The following TYW1B variants were observed in gnomAD, a reference collection of about 807,000 sequenced individuals.
The protein encoded by TYW1B is tRNA-yW synthesizing protein 1 homolog B.
TYW1B carries 73 observed loss-of-function variants against 86.9 expected under a neutral mutation model. The observed-to-expected ratio is 0.84, with a 90% CI of 0.70 to 1.02. The LOEUF (loss-of-function observed/expected upper bound fraction) is 1.02. Among genes scored for constraint, TYW1B ranks in the 50% least tolerant of loss-of-function variants. The pLI, the probability that TYW1B is intolerant of heterozygous loss-of-function variation, is 0.00. For synonymous variants in TYW1B, 248 were observed against 292.8 expected, an observed-to-expected ratio of 0.85 and a Z score of 1.56; for missense variants, 637 against 827.4, an observed-to-expected ratio of 0.77 and a Z score of 2.82.
chr7:72,663,540 C>T (rs1487528553), intron 11 of TYW1B, among the ~76,000 whole-genome samples: 12 of 151,778 alleles, frequency 7.9e-5, no homozygotes, highest in East Asian at 7.8e-4. Context: ...GGGCAGATCA[C>T]GAGGTCAGGA....
At chr7:72,693,297 A>G (rs1446012872) in intron 11 of TYW1B, among the ~76,000 whole-genome samples, 1 of 152,222 alleles carries the variant, frequency 6.6e-6, no homozygotes, top group African/African-American at 2.4e-5. Flanking sequence ...AAATGTTTGC[A>G]GAAAATGACA....
intron 5 of TYW1B, among the ~76,000 whole-genome samples, chr7:72,805,954 C>A (rs782006588): frequency 6.6e-6 from 1 of 151,876 alleles, no homozygotes; most frequent in Non-Finnish European, 1.5e-5. Context: ...AAGACAGGAG[C>A]TTCAAAGGAA....
At chr7:72,636,232 A>C (rs1277639928) in intron 11 of TYW1B, among the ~76,000 whole-genome samples, 1 of 152,128 alleles carries the variant, frequency 6.6e-6, no homozygotes, top group Non-Finnish European at 1.5e-5. Context: ...TCTTTTAACT[A>C]ATATTTAACT....
chr7:72,810,688 C>T, intron 3 of TYW1B, 23 bp from the exon 4 acceptor site: 2 of 1,583,064 alleles, frequency 1.3e-6, no homozygotes, highest in Non-Finnish European at 1.7e-6. Context: ...GTAATTGTTT[C>T]AGTGGAACAT....
At chr7:72,738,106 A>C (rs1585943112) in intron 8 of TYW1B, among the ~76,000 whole-genome samples, 1 of 79,502 alleles carries the variant, frequency 1.3e-5, no homozygotes, top group African/African-American at 5.1e-5. Context: ...TTTTTTGAGG[A>C]GTCTCGCACA....
intron 5 of TYW1B, among the ~76,000 whole-genome samples, chr7:72,804,882 T>C (rs1312455887): frequency 1.3e-5 from 2 of 152,164 alleles, no homozygotes; most frequent in African/African-American, 4.8e-5. Flanking sequence ...TGTTTGCTGA[T>C]CCCTGTCCTA....
chr7:72,772,013 A>AT (rs1331123489), intron 7 of TYW1B, among the ~76,000 whole-genome samples: 1 of 151,568 alleles, frequency 6.6e-6, no homozygotes, highest in African/African-American at 2.4e-5. Flanking sequence ...TGCCAGGCTG[A>AT]TTTTTTTGTA....
intron 11 of TYW1B, among the ~76,000 whole-genome samples, chr7:72,662,454 G>T (rs1813355808): frequency 6.9e-6 from 1 of 145,738 alleles, no homozygotes. Context: ...TAGATAGATA[G>T]ATAGATAGAT....
intron 11 of TYW1B, among the ~76,000 whole-genome samples, chr7:72,662,466 GATAGATAGATAA>G (rs1813356639): frequency 1.3e-5 from 2 of 150,162 alleles, no homozygotes; most frequent in Non-Finnish European, 3.0e-5. Flanking sequence ...TAGATAGATA[GATAGATAGATAA>G]ATTTTTTTCC....
chr7:72,597,336 TGG>T (rs1427516435), intron 13 of TYW1B, among the ~76,000 whole-genome samples: 2 of 152,152 alleles, frequency 1.3e-5, no homozygotes, highest in Non-Finnish European at 2.9e-5. Flanking sequence ...GGGAAAGTTA[TGG>T]CCCCAAATGT....
chr7:72,668,409 T>G (rs1163651712), intron 11 of TYW1B, among the ~76,000 whole-genome samples: 1 of 152,220 alleles, frequency 6.6e-6, no homozygotes, highest in Non-Finnish European at 1.5e-5. Flanking sequence ...TTTTAAAAGC[T>G]CTCTCAGTGT....
chr7:72,740,165 G>A (rs1787276616), intron 8 of TYW1B, among the ~76,000 whole-genome samples: 1 of 151,838 alleles, frequency 6.6e-6, no homozygotes, highest in African/African-American at 2.4e-5. Flanking sequence ...CCTGGGAGGT[G>A]GAGCTTGCAG....
At chr7:72,697,486 T>C (rs2129570342) in intron 10 of TYW1B, among the ~76,000 whole-genome samples, 1 of 152,296 alleles carries the variant, frequency 6.6e-6, no homozygotes, top group South Asian at 2.1e-4. Context: ...AAAGAGACTT[T>C]TGGAGATGTT....
chr7:72,661,547 A>G (rs1813331428), intron 11 of TYW1B, among the ~76,000 whole-genome samples: 1 of 148,030 alleles, frequency 6.8e-6, no homozygotes, highest in Non-Finnish European at 1.5e-5. Flanking sequence ...TTCATTGAAT[A>G]GTACTCATTA....
chr7:72,733,159 A>C (rs1224993478), intron 8 of TYW1B, among the ~76,000 whole-genome samples: 3 of 147,108 alleles, frequency 2.0e-5, no homozygotes, highest in South Asian at 2.2e-4. Flanking sequence ...CCAAACCTAA[A>C]ACACACACAC....
At chr7:72,807,028 G>A (rs1554476809) in intron 5 of TYW1B, 38 bp downstream of exon 5, 4 of 1,593,514 alleles carry the variant, frequency 2.5e-6, no homozygotes, top group South Asian at 1.1e-5. Flanking sequence ...CCAAGCAGAG[G>A]GGGAAAGCAT....
intron 13 of TYW1B, among the ~76,000 whole-genome samples, chr7:72,588,542 G>A (rs1811327925): frequency 6.6e-6 from 1 of 152,150 alleles, no homozygotes; most frequent in African/African-American, 2.4e-5. Context: ...CAGACTACAA[G>A]TTTTATTATC....
At chr7:72,703,613 G>A (rs1448941177) in intron 10 of TYW1B, among the ~76,000 whole-genome samples, 2 of 151,868 alleles carry the variant, frequency 1.3e-5, no homozygotes, top group Admixed American at 6.5e-5. Context: ...CCAGCACTTT[G>A]GGAGGCCAAG....
intron 12 of TYW1B, among the ~76,000 whole-genome samples, chr7:72,627,501 A>G (rs1554439077): frequency 6.7e-6 from 1 of 148,972 alleles, no homozygotes; most frequent in Non-Finnish European, 1.5e-5. Context: ...ATAACATAAC[A>G]TAACATAACA....
Sources: gnomAD v4.1 joint callset for allele counts (sites outside exome capture counted in the v4.1 genomes callset) on GRCh38, gnomAD v4.1.1 for gene constraint, MANE v1.5 for transcripts, NCBI Gene and HGNC (gene_info 2026-07-23, HGNC 2026-07-21) for gene names.